The following NLRP14 variants were observed in gnomAD, a reference collection of about 807,000 sequenced individuals.
The protein encoded by NLRP14 is NLR family pyrin domain containing 14, also known as NACHT, LRR and PYD domains-containing protein 14.
In NLRP14, 105 loss-of-function variants were observed where a neutral mutation model predicts 94.7. The ratio of observed to expected loss-of-function variants is 1.11; its 90% CI spans 0.95 to 1.30. NLRP14 has a LOEUF of 1.30. Among genes scored for constraint, NLRP14 ranks in the 50% most tolerant of loss-of-function variants. The pLI, the probability that NLRP14 is intolerant of heterozygous loss-of-function variation, is 0.00. For missense variants in NLRP14, 1,362 were observed against 1,254.1 expected, an observed-to-expected ratio of 1.09 and a Z score of -1.30; for synonymous variants, 508 against 459.9, an observed-to-expected ratio of 1.10 and a Z score of -1.34.
chr11:7,031,542 A>T (rs1012056507), intron 1 of NLRP14, among the ~76,000 whole-genome samples: 1 of 152,134 alleles, frequency 6.6e-6, no homozygotes, highest in Admixed American at 6.5e-5. Context: ...ATGCCTGCCA[A>T]CTGTGCTTGA....
rs1852086726 is a variant in NLRP14 at position 7,031,072 on chromosome 11, C to T, written c.-21-7494C>T. Among the ~76,000 whole-genome samples the T allele has an allele frequency of 3.3e-5, 5 of 152,324 alleles. No homozygotes were observed. In the South Asian group the frequency reaches 1.0e-3, roughly 32 times the overall value. On this transcript the variant is annotated intron_variant, in intron 1 of 11. Coordinates refer to ENST00000299481, the MANE Select transcript of NLRP14 (RefSeq NM_176822.4). Reference sequence around the variant, plus strand: ...CCGCAGCCCTCTTAGCGGGTTTGCTCTTCTCTCAGGGGAGGAGGAAGGTGA... The same window carrying T: ...CCGCAGCCCTCTTAGCGGGTTTGCTTTTCTCTCAGGGGAGGAGGAAGGTGA...
the NLRP14 span, among the ~76,000 whole-genome samples, chr11:7,082,288 G>A: frequency 6.6e-6 from 1 of 151,984 alleles, no homozygotes; most frequent in East Asian, 1.9e-4. Flanking sequence ...TATCGATATT[G>A]GTATTATATT....
intron 6 of NLRP14, among the ~76,000 whole-genome samples, chr11:7,053,776 C>T (rs572638441): frequency 2.8e-4 from 43 of 152,098 alleles, no homozygotes; most frequent in African/African-American, 9.6e-4. Context: ...TATCACCTCA[C>T]GCATTTATTT....
chr11:7,025,655 G>A (rs1030850574), intron 1 of NLRP14, among the ~76,000 whole-genome samples: 1 of 152,058 alleles, frequency 6.6e-6, no homozygotes, highest in Non-Finnish European at 1.5e-5. Context: ...AGAAACATCT[G>A]TGAGGTGAGT....
the NLRP14 span, chr11:7,089,512 G>T: frequency 1.6e-6 from 2 of 1,224,114 alleles, no homozygotes; most frequent in Non-Finnish European, 2.0e-6. Context: ...GATGATGACG[G>T]CGGCTACACG....
rs377042925 is a variant in NLRP14, at chr11:7,038,808, G to C, written c.222G>C (p.Val74=). Residue 74 remains valine (V), a synonymous_variant, in exon 2 of 12, where the codon GTG becomes GTC. Coordinates refer to ENST00000299481, the MANE Select transcript of NLRP14 (RefSeq NM_176822.4). ...KYYPGEKAWS[V]SLKIFGKMNL... ...ATCCAGGAGAGAAAGCCTGGAGTGT[G>C]TCTCTCAAAATCTTTGGCAAGATGA... is the stretch of plus-strand genomic sequence containing the variant. 10 of 1,612,888 alleles carry C rather than the reference G, an allele frequency of 6.2e-6. No individual in the cohort carries two copies. In the East Asian group the frequency reaches 2.0e-4, roughly 32 times the overall value.
downstream of NLRP14, among the ~76,000 whole-genome samples, chr11:7,072,394 T>C (rs1242834985): frequency 2.0e-5 from 3 of 152,332 alleles, no homozygotes; most frequent in African/African-American, 7.2e-5. Context: ...AGGAAAGAAT[T>C]CAACTGAGAG....
chr11:7,078,656 TG>T, the NLRP14 span, among the ~76,000 whole-genome samples: 6 of 151,532 alleles, frequency 4.0e-5, no homozygotes, highest in South Asian at 1.0e-3. Context: ...GGCATGGTGG[TG>T]GGTGCTTGCA....
intron 1 of NLRP14, among the ~76,000 whole-genome samples, chr11:7,026,647 C>T (rs1852017978): frequency 6.6e-6 from 1 of 151,882 alleles, no homozygotes; most frequent in Admixed American, 6.6e-5. Context: ...CCAGCCATCC[C>T]ATTACTGGGT....
intron 5 of NLRP14, among the ~76,000 whole-genome samples, chr11:7,047,492 G>A (rs1049420744): frequency 6.6e-6 from 1 of 151,524 alleles, no homozygotes; most frequent in Admixed American, 6.6e-5. Context: ...TTTTTGTAGA[G>A]ATGTGGTCTC....
chr11:7,089,964 C>T, the NLRP14 span: 1 of 1,613,130 alleles, frequency 6.2e-7, no homozygotes, highest in Non-Finnish European at 8.5e-7. Context: ...CCATCGAGAG[C>T]CCTTTGAGAG....
Position 7,038,634 on chromosome 11 carries a change from A to C in NLRP14, c.48A>C (p.Leu16=). Residue 16 remains leucine (L), a synonymous_variant, in exon 2 of 12, where the codon CTA becomes CTC. Transcript: ENST00000299481. The stretch of plus-strand genomic sequence containing the variant: ...CTTTCTTTCCTGATTTTGGGCTGCT[A>C]TTGTATTTGGAGGAGCTAAACAAAG... ...SSSFFPDFGL[L]LYLEELNKEE... 3.7e-6 allele frequency: 6 copies of C among 1,614,012 alleles called. No homozygotes were observed. Among genetic ancestry groups the C allele is most frequent in the Non-Finnish European group, 5.1e-6 (6 of 1,179,974 alleles).
chr11:7,042,743 C>A lies in NLRP14; in HGVS notation c.717C>A (p.Ser239Arg), dbSNP rs1228463976. 6.2e-7 allele frequency: 1 copy of A among 1,614,186 alleles called. No individual in the cohort carries two copies. The highest frequency in any genetic ancestry group is 1.7e-5 in the Admixed American group (1 of 60,026). The stretch of plus-strand genomic sequence containing the variant: ...AATTGATATCAAAGGACTGGCCCAG[C>A]ACAGAAGGCCCCATTGAAGAAATCA... Reference protein sequence around the residue: ...FAQLISKDWPSTEGPIEEIMY... With the variant: ...FAQLISKDWPRTEGPIEEIMY... Residue 239 changes from serine (S) to arginine (R), a missense_variant, in exon 4 of 12, where the codon AGC becomes AGA. Ser to Arg is a moderately radical substitution (Grantham distance 110). Transcript: ENST00000299481.
chr11:7,083,230 A>G, the NLRP14 span, among the ~76,000 whole-genome samples: 13 of 152,224 alleles, frequency 8.5e-5, no homozygotes, highest in Non-Finnish European at 1.8e-4. Flanking sequence ...TTGCAAAGGC[A>G]TGTAAGCCAG....
At chr11:7,050,413 G>T (rs1044952812) in intron 6 of NLRP14, among the ~76,000 whole-genome samples, 14 of 152,158 alleles carry the variant, frequency 9.2e-5, no homozygotes, top group African/African-American at 3.4e-4. Flanking sequence ...AAAGTGAAAG[G>T]ATTAGCAGTC....
intron 10 of NLRP14, among the ~76,000 whole-genome samples, chr11:7,065,613 ATGT>A (rs1852692464): frequency 6.6e-6 from 1 of 152,060 alleles, no homozygotes; most frequent in African/African-American, 2.4e-5. Context: ...GAACTTTCAT[ATGT>A]TGTTCACAAT....
the NLRP14 span, among the ~76,000 whole-genome samples, chr11:7,084,487 G>A: frequency 1.3e-5 from 2 of 152,188 alleles, no homozygotes; most frequent in East Asian, 3.9e-4. Context: ...CCAGGGAGGG[G>A]AAATGGACTA....
At chr11:7,037,955 G>T (rs1158129450) in intron 1 of NLRP14, among the ~76,000 whole-genome samples, 1 of 152,156 alleles carries the variant, frequency 6.6e-6, no homozygotes, top group East Asian at 1.9e-4. Context: ...CATGAAAGGA[G>T]CTTGTGTACT....
At chr11:7,090,549 GTCT>G in the NLRP14 span, 209 of 545,952 alleles carry the variant, frequency 3.8e-4, 2 homozygotes, top group South Asian at 4.2e-3. Flanking sequence ...CTGAGTACTA[GTCT>G]TCTTACATTT....
Sources: gnomAD v4.1 joint callset for allele counts (sites outside exome capture counted in the v4.1 genomes callset) on GRCh38, gnomAD v4.1.1 for gene constraint, MANE v1.5 for transcripts, NCBI Gene and HGNC (gene_info 2026-07-23, HGNC 2026-07-21) for gene names.